TENM3: variants seen among roughly 807,000 people sequenced by gnomAD.
The protein encoded by TENM3 is teneurin-3.
TENM3 carries 63 observed loss-of-function variants against 255.1 expected under a neutral mutation model. The observed-to-expected ratio is 0.25, with a 90% CI of 0.20 to 0.30. The LOEUF (loss-of-function observed/expected upper bound fraction) is 0.30. Among genes scored for constraint, TENM3 ranks in the 10% least tolerant of loss-of-function variants. The pLI, the probability that TENM3 is intolerant of heterozygous loss-of-function variation, is 1.00. For synonymous variants in TENM3, 1,306 were observed against 1,322.3 expected (o/e 0.99, Z 0.27); for missense variants, 2,929 against 3,461.1 (o/e 0.85, Z 3.86).
intron 5 of TENM3, among the ~76,000 whole-genome samples, chr4:182,646,513 G>A (rs960180634): frequency 3.9e-5 from 6 of 152,080 alleles, no homozygotes; most frequent in South Asian, 2.1e-4. Context: ...AGGCCGAGGC[G>A]GGTGGATTGC....
intron 3 of TENM3, among the ~76,000 whole-genome samples, chr4:182,526,227 A>G (rs6552567): frequency 0.85 from 129,723 of 151,836 alleles, 55,477 homozygotes; most frequent in East Asian, 0.96. Context: ...TGATCCACCC[A>G]CCTCAGCCTC....
the TENM3 span, among the ~76,000 whole-genome samples, chr4:181,633,604 C>T: frequency 6.6e-6 from 1 of 152,156 alleles, no homozygotes; most frequent in Non-Finnish European, 1.5e-5. Flanking sequence ...TAAAAGATGT[C>T]TCTTCATCTG....
the TENM3 span, among the ~76,000 whole-genome samples, chr4:181,876,480 T>C: frequency 3.3e-5 from 5 of 152,290 alleles, no homozygotes; most frequent in South Asian, 1.0e-3. Context: ...GTTTCCTCTG[T>C]TTTAAAACAT....
At chr4:182,072,521 A>G in the TENM3 span, among the ~76,000 whole-genome samples, 2 of 152,236 alleles carry the variant, frequency 1.3e-5, no homozygotes, top group Non-Finnish European at 2.9e-5. Flanking sequence ...TTGAAACCAA[A>G]TAAATTTCTA....
the TENM3 span, among the ~76,000 whole-genome samples, chr4:182,074,794 T>C: frequency 6.6e-6 from 1 of 152,042 alleles, no homozygotes; most frequent in Non-Finnish European, 1.5e-5. Flanking sequence ...TCTATCACAC[T>C]CCAATTAAGA....
At chr4:182,603,692 C>T (rs1299372067) in intron 4 of TENM3, among the ~76,000 whole-genome samples, 1 of 150,660 alleles carries the variant, frequency 6.6e-6, no homozygotes, top group African/African-American at 2.4e-5. Flanking sequence ...GCTATATTAA[C>T]AACTTTATCC....
intron 12 of TENM3, among the ~76,000 whole-genome samples, chr4:182,699,913 A>G (rs1287508662): frequency 2.0e-5 from 3 of 152,110 alleles, no homozygotes; most frequent in African/African-American, 7.2e-5. Flanking sequence ...TGGATATACA[A>G]TTTAACCAGA....
At chr4:182,731,697 GTGTGT>G (rs1561172555) in intron 16 of TENM3, among the ~76,000 whole-genome samples, 4,712 of 76,526 alleles carry the variant, frequency 0.062, 104 homozygotes, top group Middle Eastern at 0.18. Flanking sequence ...GTGTTGGGGT[GTGTGT>G]GTGTGTGTGT....
chr4:181,893,836 C>T, the TENM3 span, among the ~76,000 whole-genome samples: 96 of 152,136 alleles, frequency 6.3e-4, no homozygotes, highest in Non-Finnish European at 1.2e-3. Flanking sequence ...CGATATTTTA[C>T]CAAAGCCTTT....
At chr4:182,028,679 T>A in the TENM3 span, among the ~76,000 whole-genome samples, 1 of 152,218 alleles carries the variant, frequency 6.6e-6, no homozygotes, top group African/African-American at 2.4e-5. Context: ...TTTTCCAGTT[T>A]TCTTCTTAAT....
intron 3 of TENM3, among the ~76,000 whole-genome samples, chr4:182,450,689 G>A (rs2151316676): frequency 6.6e-6 from 1 of 152,290 alleles, no homozygotes; most frequent in Non-Finnish European, 1.5e-5. Context: ...GAGACTAAGT[G>A]TTAAAAAGCT....
the TENM3 span, among the ~76,000 whole-genome samples, chr4:182,022,975 C>G: frequency 6.6e-6 from 1 of 152,156 alleles, no homozygotes; most frequent in Non-Finnish European, 1.5e-5. Context: ...AATATAAAAG[C>G]TTGCCCTGAG....
intron 24 of TENM3, among the ~76,000 whole-genome samples, chr4:182,784,874 G>C (rs542286190): frequency 0.011 from 1,704 of 152,230 alleles, 27 homozygotes; most frequent in African/African-American, 0.039. Flanking sequence ...CTGACCCCTT[G>C]CACTTCCCAA....
At chr4:182,642,435 A>C (rs1044718580) in intron 5 of TENM3, among the ~76,000 whole-genome samples, 1 of 152,228 alleles carries the variant, frequency 6.6e-6, no homozygotes, top group Non-Finnish European at 1.5e-5. Context: ...TAGTTCAGAA[A>C]GAAAAAATGC....
the TENM3 span, among the ~76,000 whole-genome samples, chr4:182,102,383 G>A: frequency 1.3e-5 from 2 of 152,164 alleles, no homozygotes; most frequent in Admixed American, 6.5e-5. Flanking sequence ...GGATGACTTC[G>A]TTGATTTGCT....
the TENM3 span, among the ~76,000 whole-genome samples, chr4:181,770,147 G>A: frequency 6.6e-6 from 1 of 152,094 alleles, no homozygotes; most frequent in Non-Finnish European, 1.5e-5. Flanking sequence ...CCATAAACGT[G>A]ATTATGGTAT....
At chr4:182,335,007 T>A (rs1764008516) in intron 2 of TENM3, among the ~76,000 whole-genome samples, 1 of 152,078 alleles carries the variant, frequency 6.6e-6, no homozygotes, top group Admixed American at 6.6e-5. Flanking sequence ...CTTTTTCATC[T>A]TTGTCATTCT....
chr4:181,464,584 C>T, the TENM3 span, among the ~76,000 whole-genome samples: 316 of 152,118 alleles, frequency 2.1e-3, no homozygotes, highest in African/African-American at 6.5e-3. Context: ...TTAGTATTTC[C>T]TTTCATTCTG....
intron 5 of TENM3, among the ~76,000 whole-genome samples, chr4:182,643,237 C>A (rs1752465618): frequency 6.6e-6 from 1 of 151,996 alleles, no homozygotes; most frequent in South Asian, 2.1e-4. Flanking sequence ...ACATGTGCAT[C>A]GTGTATATTT....
Sources: gnomAD v4.1 joint callset for allele counts (sites outside exome capture counted in the v4.1 genomes callset) on GRCh38, gnomAD v4.1.1 for gene constraint, MANE v1.5 for transcripts, NCBI Gene and HGNC (gene_info 2026-07-23, HGNC 2026-07-21) for gene names.